EPHA3: variants seen among roughly 807,000 people sequenced by gnomAD.
The protein encoded by EPHA3 is EPH receptor A3.
A neutral mutation model predicts 107.1 loss-of-function variants in EPHA3; 42 were observed. The observed-to-expected ratio is 0.39, with a 90% CI of 0.31 to 0.51. The LOEUF is 0.51. Ranked by LOEUF, EPHA3 falls within the 20% of genes least tolerant of loss-of-function variation. The pLI, the probability that EPHA3 is intolerant of heterozygous loss-of-function variation, is 0.78. For missense variants in EPHA3, 1,183 were observed against 1,211.2 expected (o/e 0.98, Z 0.35); for synonymous variants, 461 against 424.8 (o/e 1.09, Z -1.05).
At chr3:89,286,020 T>C (rs1381211675) in intron 3 of EPHA3, among the ~76,000 whole-genome samples, 2 of 151,926 alleles carry the variant, frequency 1.3e-5, no homozygotes, top group African/African-American at 4.8e-5. Flanking sequence ...TTCAGTCCCT[T>C]GATACTGTCT....
intron 5 of EPHA3, among the ~76,000 whole-genome samples, chr3:89,363,681 C>CGT (rs148145691): frequency 0.029 from 4,262 of 147,602 alleles, 218 homozygotes; most frequent in African/African-American, 0.096. Context: ...GGTGTGTGTG[C>CGT]GTGTGTGTGT....
chr3:89,273,365 C>A (rs1469200336), intron 3 of EPHA3, among the ~76,000 whole-genome samples: 1 of 151,926 alleles, frequency 6.6e-6, no homozygotes, highest in Non-Finnish European at 1.5e-5. Flanking sequence ...CATGTTATAT[C>A]TCTCACTGTT....
intron 2 of EPHA3, among the ~76,000 whole-genome samples, chr3:89,190,105 A>T (rs1705672314): frequency 6.6e-6 from 1 of 152,174 alleles, no homozygotes; most frequent in South Asian, 2.1e-4. Flanking sequence ...TGACTACTTT[A>T]CCTAAAAGCT....
rs547950024 is a variant in EPHA3, at chr3:89,457,347, A to G, written c.2690+6977A>G. 3.2e-4 allele frequency among the ~76,000 whole-genome samples: 49 copies of G among 152,340 alleles called. No individual in the cohort carries two copies. In the South Asian group the frequency reaches 9.1e-3, roughly 28 times the overall value. On this transcript the variant is annotated intron_variant, in intron 15 of 16. Coordinates refer to ENST00000336596, the MANE Select transcript of EPHA3 (RefSeq NM_005233.6). Reference sequence around the variant, plus strand: ...ATGGCCTGTTACGAACCAGGTGGCAAAGCAGAAGGCAAACGGCGGGCTGGT... The same window carrying G: ...ATGGCCTGTTACGAACCAGGTGGCAGAGCAGAAGGCAAACGGCGGGCTGGT...
chr3:89,199,473 G>T (rs1036291215), intron 2 of EPHA3, among the ~76,000 whole-genome samples: 1 of 151,528 alleles, frequency 6.6e-6, no homozygotes, highest in Non-Finnish European at 1.5e-5. Context: ...TGACAATGGT[G>T]AATTATATGT....
intron 3 of EPHA3, among the ~76,000 whole-genome samples, chr3:89,335,723 G>A (rs757224029): frequency 6.6e-6 from 1 of 152,110 alleles, no homozygotes; most frequent in African/African-American, 2.4e-5. Flanking sequence ...CTTACAAAAT[G>A]GGAGAAAGCA....
At position 89,350,900 on chromosome 3, in the gene EPHA3, C is replaced by A. The variant is rs1444928100; in HGVS notation, c.1306+8810C>A. Among the ~76,000 whole-genome samples the A allele has an allele frequency of 2.0e-5, 3 of 151,314 alleles. 1 individual carries two copies. Among genetic ancestry groups the A allele is most frequent in the Non-Finnish European group, 4.4e-5 (3 of 67,588 alleles). ...CTTGTGAGGTGTCAGTGTGCCCCTGCTGGGGGATGCTTCCCAGTTAGGCTG... is the reference window on the plus strand; with the variant it reads ...CTTGTGAGGTGTCAGTGTGCCCCTGATGGGGGATGCTTCCCAGTTAGGCTG... On this transcript the variant is annotated intron_variant, in intron 5 of 16. Transcript: ENST00000336596.
At chr3:89,321,121 C>T (rs1242651924) in intron 3 of EPHA3, among the ~76,000 whole-genome samples, 2 of 151,908 alleles carry the variant, frequency 1.3e-5, no homozygotes, top group African/African-American at 4.8e-5. Context: ...GTCAAAAGTA[C>T]ATGCATCCCT....
intron 13 of EPHA3, among the ~76,000 whole-genome samples, chr3:89,436,457 A>G (rs969516115): frequency 3.9e-5 from 6 of 152,310 alleles, no homozygotes; most frequent in Middle Eastern, 3.4e-3. Flanking sequence ...CCTCAATGCA[A>G]TGACCCTTTC....
chr3:89,175,286 C>T (rs535522323), intron 2 of EPHA3, among the ~76,000 whole-genome samples: 17 of 151,902 alleles, frequency 1.1e-4, no homozygotes, highest in Middle Eastern at 6.8e-3. Flanking sequence ...TAATTTGCTC[C>T]GGGAAAATTT....
chr3:89,225,029 G>T (rs1313676553), intron 3 of EPHA3, among the ~76,000 whole-genome samples: 2 of 151,838 alleles, frequency 1.3e-5, no homozygotes. Flanking sequence ...AAAAAGAAAT[G>T]GATTACTTTA....
intron 5 of EPHA3, among the ~76,000 whole-genome samples, chr3:89,392,066 C>T (rs1198209700): frequency 6.6e-6 from 1 of 152,116 alleles, no homozygotes; most frequent in Non-Finnish European, 1.5e-5. Context: ...TTCTCAGCAT[C>T]CTATTCTGTC....
intron 5 of EPHA3, among the ~76,000 whole-genome samples, chr3:89,345,837 A>G (rs1214257436): frequency 3.1e-5 from 4 of 127,352 alleles, no homozygotes; most frequent in Admixed American, 1.9e-4. Context: ...TCATTGTTCA[A>G]TTCCCACCTA....
intron 15 of EPHA3, among the ~76,000 whole-genome samples, chr3:89,468,822 C>T (rs1024789945): frequency 6.6e-6 from 1 of 151,980 alleles, no homozygotes; most frequent in African/African-American, 2.4e-5. Flanking sequence ...CTGAAACAAC[C>T]CATGAATATT....
At chr3:89,354,235 A>G (rs1485455637) in intron 5 of EPHA3, among the ~76,000 whole-genome samples, 1 of 151,294 alleles carries the variant, frequency 6.6e-6, no homozygotes, top group Non-Finnish European at 1.5e-5. Context: ...AGTCCTTAGG[A>G]TATAATAGCA....
chr3:89,290,876 G>C (rs1706193219), intron 3 of EPHA3, among the ~76,000 whole-genome samples: 1 of 152,130 alleles, frequency 6.6e-6, no homozygotes, highest in Admixed American at 6.6e-5. Flanking sequence ...CAAGTTGTTA[G>C]ATGTAAGGTT....
chr3:89,372,704 AT>A, intron 5 of EPHA3, among the ~76,000 whole-genome samples: 1 of 151,938 alleles, frequency 6.6e-6, no homozygotes, highest in Middle Eastern at 3.4e-3. Context: ...ATAGTCATTC[AT>A]TTGAACAGCT....
chr3:89,424,172 A>G (rs955006418), intron 11 of EPHA3, among the ~76,000 whole-genome samples: 1 of 151,438 alleles, frequency 6.6e-6, no homozygotes, highest in African/African-American at 2.4e-5. Flanking sequence ...CCATATCTGA[A>G]AGTGTATCAA....
chr3:89,195,673 A>G (rs1288237659), intron 2 of EPHA3, among the ~76,000 whole-genome samples: 1 of 152,124 alleles, frequency 6.6e-6, no homozygotes, highest in Non-Finnish European at 1.5e-5. Flanking sequence ...CAATGAGTGG[A>G]TTATGTGGAA....
Sources: gnomAD v4.1 joint callset for allele counts (sites outside exome capture counted in the v4.1 genomes callset) on GRCh38, gnomAD v4.1.1 for gene constraint, MANE v1.5 for transcripts, NCBI Gene and HGNC (gene_info 2026-07-23, HGNC 2026-07-21) for gene names.